LGSN: variants seen among roughly 807,000 people sequenced by gnomAD.
LGSN encodes lengsin, lens protein with glutamine synthetase domain.
Under a neutral mutation model 19.5 loss-of-function variants are expected in LGSN, and 21 were observed. That is an observed-to-expected ratio of 1.07 (90% CI 0.76 to 1.55). The LOEUF (loss-of-function observed/expected upper bound fraction) is 1.55, where lower values mean the gene tolerates loss of function less well. LGSN is among the 40% of genes most tolerant of loss of function. The probability of loss-of-function intolerance (pLI) is 0.00; values close to 1 mark genes in which losing one functional copy is unlikely to be tolerated. For synonymous variants in LGSN, 257 were observed against 215.6 expected, an observed-to-expected ratio of 1.19 and a Z score of -1.68; for missense variants, 673 against 608.5, an observed-to-expected ratio of 1.11 and a Z score of -1.12.
the LGSN span, among the ~76,000 whole-genome samples, chr6:63,383,373 C>T: frequency 9.2e-6 from 1 of 108,120 alleles, no homozygotes; most frequent in Non-Finnish European, 1.7e-5. Flanking sequence ...CCATTACTTA[C>T]ACACACACAC....
At chr6:63,424,508 GACACACACACACAC>G in the LGSN span, among the ~76,000 whole-genome samples, 3 of 146,594 alleles carry the variant, frequency 2.0e-5, no homozygotes, top group African/African-American at 5.0e-5. Flanking sequence ...ACCAAAACCA[GACACACACACACAC>G]ACACACACAC....
At chr6:63,406,338 C>T in the LGSN span, among the ~76,000 whole-genome samples, 1 of 152,092 alleles carries the variant, frequency 6.6e-6, no homozygotes, top group Non-Finnish European at 1.5e-5. Flanking sequence ...TCTCAGACCA[C>T]AGTGCAATCA....
rs541767594 is a variant in LGSN at position 63,312,950 on chromosome 6, G to A, written c.30+6964C>T. On this transcript the variant is annotated intron_variant, in intron 1 of 3. Coordinates refer to ENST00000370657, the MANE Select transcript of LGSN (RefSeq NM_016571.3). ...ATTATGAGTTCTGTTTTGGGCATAT[G>A]GAATCTAAGGTGATTGTGTCATCTG... is the stretch of plus-strand genomic sequence containing the variant. Among the ~76,000 whole-genome samples, 39 of 152,240 alleles carry A rather than the reference G, an allele frequency of 2.6e-4. No homozygotes were observed. The South Asian group carries it at 7.9e-3, about 31-fold the overall frequency.
At chr6:63,432,450 G>A in the LGSN span, among the ~76,000 whole-genome samples, 79 of 152,120 alleles carry the variant, frequency 5.2e-4, no homozygotes, top group African/African-American at 1.7e-3. Flanking sequence ...CCAGCACTTC[G>A]GGAGGCAGAG....
the LGSN span, among the ~76,000 whole-genome samples, chr6:63,407,104 G>A: frequency 1.3e-5 from 2 of 151,844 alleles, no homozygotes; most frequent in Non-Finnish European, 2.9e-5. Flanking sequence ...AGAGGTACAA[G>A]GAGGAACTGG....
chr6:63,411,449 G>A, the LGSN span, among the ~76,000 whole-genome samples: 1 of 152,258 alleles, frequency 6.6e-6, no homozygotes, highest in South Asian at 2.1e-4. Context: ...ATCTGTCCTT[G>A]AAGACAGAGA....
At chr6:63,505,565 A>AAAAGAAAGAAAG in the LGSN span, among the ~76,000 whole-genome samples, 1,387 of 58,538 alleles carry the variant, frequency 0.024, 73 homozygotes, top group Non-Finnish European at 0.028. Flanking sequence ...AAAAAAAAAA[A>AAAAGAAAGAAAG]AAAGAAAGAA....
intron 1 of LGSN, 89 bp from the exon 2 acceptor site, chr6:63,295,134 AT>A (rs1487207199): frequency 4.2e-6 from 5 of 1,200,066 alleles, no homozygotes; most frequent in Non-Finnish European, 6.1e-6. Flanking sequence ...GAATAGCTCA[AT>A]TTTTTAATGA....
the LGSN span, among the ~76,000 whole-genome samples, chr6:63,467,694 T>C: frequency 8.4e-5 from 4 of 47,366 alleles, no homozygotes; most frequent in Non-Finnish European, 3.1e-4. Context: ...TTTAATCTTT[T>C]TGTTTGTTTG....
chr6:63,319,763 G>A (rs1769016625), intron 1 of LGSN, 151 bp downstream of exon 1: 6 of 670,774 alleles, frequency 8.9e-6, no homozygotes, highest in Admixed American at 2.4e-5. Flanking sequence ...TAGTACAGAA[G>A]GGCAATTCTT....
the LGSN span, among the ~76,000 whole-genome samples, chr6:63,331,051 C>T: frequency 6.6e-5 from 10 of 152,172 alleles, no homozygotes; most frequent in African/African-American, 2.4e-4. Context: ...CCCCCTACAG[C>T]TTAAAGGGGA....
the LGSN span, among the ~76,000 whole-genome samples, chr6:63,497,430 T>A: frequency 6.6e-6 from 1 of 151,994 alleles, no homozygotes; most frequent in South Asian, 2.1e-4. Context: ...GCACCTGTAA[T>A]CCCCGCTATT....
At chr6:63,504,645 C>T in the LGSN span, among the ~76,000 whole-genome samples, 2 of 152,062 alleles carry the variant, frequency 1.3e-5, no homozygotes, top group African/African-American at 2.4e-5. Context: ...GGTTTTGCCA[C>T]GTTGCTGAGG....
chr6:63,446,622 T>G, the LGSN span, among the ~76,000 whole-genome samples: 1 of 152,250 alleles, frequency 6.6e-6, no homozygotes. Context: ...TGTAAGGCAT[T>G]ATCATTCTAT....
the LGSN span, among the ~76,000 whole-genome samples, chr6:63,325,360 C>T: frequency 4.6e-5 from 7 of 151,934 alleles, no homozygotes; most frequent in Non-Finnish European, 8.8e-5. Context: ...GCTAGACTAA[C>T]CAGGAAGAGA....
chr6:63,517,924 A>G, the LGSN span, among the ~76,000 whole-genome samples: 1 of 152,112 alleles, frequency 6.6e-6, no homozygotes, highest in Admixed American at 6.5e-5. Flanking sequence ...GAGTCCAGGC[A>G]AGTGGATCAC....
At chr6:63,390,573 T>G in the LGSN span, among the ~76,000 whole-genome samples, 2 of 151,254 alleles carry the variant, frequency 1.3e-5, no homozygotes, top group African/African-American at 4.9e-5. Context: ...AAAATTGGAA[T>G]CGGCCAGGCG....
the LGSN span, among the ~76,000 whole-genome samples, chr6:63,484,543 C>T: frequency 1.3e-5 from 2 of 151,792 alleles, no homozygotes; most frequent in Non-Finnish European, 2.9e-5. Flanking sequence ...GAAAAAAAAT[C>T]CCAGAAGACT....
chr6:63,465,241 C>T, the LGSN span, among the ~76,000 whole-genome samples: 1 of 151,974 alleles, frequency 6.6e-6, no homozygotes, highest in Non-Finnish European at 1.5e-5. Context: ...AGTGCAATGG[C>T]TCCATCTCGG....
Sources: gnomAD v4.1 joint callset for allele counts (sites outside exome capture counted in the v4.1 genomes callset) on GRCh38, gnomAD v4.1.1 for gene constraint, MANE v1.5 for transcripts, NCBI Gene and HGNC (gene_info 2026-07-23, HGNC 2026-07-21) for gene names.